The following AGBL2 variants were observed in gnomAD, a reference collection of about 807,000 sequenced individuals.
AGBL2 encodes cytosolic carboxypeptidase 2.
Under a neutral mutation model 103.0 loss-of-function variants are expected in AGBL2, and 87 were observed. The ratio of observed to expected loss-of-function variants is 0.84; its 90% CI spans 0.71 to 1.01. The LOEUF (loss-of-function observed/expected upper bound fraction) is 1.01, where lower values mean the gene tolerates loss of function less well. AGBL2 is among the 50% of genes least tolerant of loss of function. The pLI, the probability that AGBL2 is intolerant of heterozygous loss-of-function variation, is 0.00. For missense variants in AGBL2, 904 were observed against 1,023.5 expected (o/e 0.88, Z 1.59); for synonymous variants, 335 against 356.7 (o/e 0.94, Z 0.69).
Position 47,668,851 on chromosome 11 carries a change from A to G in AGBL2, c.2204T>C (p.Ile735Thr), listed in dbSNP as rs140006264. 3.1e-6 allele frequency: 5 copies of G among 1,612,872 alleles called. No individual in the cohort carries two copies. In the African/African-American group the frequency reaches 4.0e-5, roughly 13 times the overall value. Residue 735 changes from isoleucine to threonine, a missense_variant, in exon 15 of 19, where the codon ATA (isoleucine) becomes ACA (threonine). By Grantham distance (89) the Ile-to-Thr change is moderately conservative. Transcript: ENST00000525123. Reference protein sequence around the residue: ...SDGLPVHLANIADELTQKKKM... With the variant: ...SDGLPVHLANTADELTQKKKM... The stretch of plus-strand genomic sequence containing the variant: ...AAGAGTTCAGCTTACCTCATCTGCT[A>G]TGTTTGCTAGGTGAACAGGAAGACC...
chr11:47,699,660 G>A (rs941603185), intron 7 of AGBL2, 107 bp from the exon 8 acceptor site: 2 of 586,132 alleles, frequency 3.4e-6, no homozygotes, highest in African/African-American at 4.0e-5. Context: ...TAGTTTGGTT[G>A]AATCAAACCA....
At chr11:47,700,951 C>T (rs1205606761) in intron 7 of AGBL2, among the ~76,000 whole-genome samples, 1 of 151,360 alleles carries the variant, frequency 6.6e-6, no homozygotes, top group Non-Finnish European at 1.5e-5. Context: ...CCCAGCTACT[C>T]AGGAGGCTGA....
rs894980022 is a variant in AGBL2 at position 47,686,399 on chromosome 11, G to A, written c.1632-350C>T. 8.7e-4 allele frequency among the ~76,000 whole-genome samples: 130 copies of A among 149,938 alleles called. 1 individual carries two copies. Among genetic ancestry groups the A allele is most frequent in the Non-Finnish European group, 1.1e-3 (77 of 67,764 alleles). On this transcript the variant is annotated intron_variant, in intron 10 of 18. Transcript: ENST00000525123. The stretch of plus-strand genomic sequence containing the variant: ...TCCGCCCACCTCAGCCTCCTAAGTA[G>A]TTGGGACTACAGGCACACACCAATA...
intron 7 of AGBL2, among the ~76,000 whole-genome samples, chr11:47,701,208 C>T (rs968959802): frequency 1.5e-4 from 23 of 150,308 alleles, no homozygotes; most frequent in South Asian, 4.2e-4. Context: ...GAGTGGCTCA[C>T]GCCTGTAATC....
chr11:47,686,272 C>CT (rs2097423242), intron 10 of AGBL2, among the ~76,000 whole-genome samples: 1 of 151,750 alleles, frequency 6.6e-6, no homozygotes, highest in Admixed American at 6.6e-5. Flanking sequence ...TGGAAAATTT[C>CT]TTTTTTTCTT....
intron 14 of AGBL2, among the ~76,000 whole-genome samples, chr11:47,673,351 C>A (rs1039418188): frequency 1.3e-5 from 2 of 151,992 alleles, no homozygotes; most frequent in Admixed American, 6.6e-5. Flanking sequence ...GATGGCCGGG[C>A]GCAGTGGCTC....
intron 15 of AGBL2, 87 bp downstream of exon 15, chr11:47,668,754 A>G: frequency 1.0e-6 from 1 of 1,000,332 alleles, no homozygotes; most frequent in Non-Finnish European, 1.6e-6. Flanking sequence ...AGGTCTTAGG[A>G]CTGTTGGAAA....
intron 17 of AGBL2, 130 bp from the exon 18 acceptor site, chr11:47,663,242 G>A: frequency 1.6e-6 from 1 of 624,558 alleles, no homozygotes; most frequent in Non-Finnish European, 2.7e-6. Flanking sequence ...TAAAAGGACA[G>A]GCAAAACATA....
intron 11 of AGBL2, among the ~76,000 whole-genome samples, chr11:47,684,908 C>T (rs1180056322): frequency 6.6e-6 from 1 of 152,028 alleles, no homozygotes; most frequent in Non-Finnish European, 1.5e-5. Context: ...ACTGTATATG[C>T]AAGAATTTCA....
chr11:47,670,707 A>AT (rs2097354755), intron 14 of AGBL2, among the ~76,000 whole-genome samples: 1 of 150,358 alleles, frequency 6.7e-6, no homozygotes, highest in African/African-American at 2.4e-5. Flanking sequence ...AAAAAAAAAA[A>AT]GGGTGGCTGG....
intron 8 of AGBL2, among the ~76,000 whole-genome samples, chr11:47,699,066 A>G (rs1180092371): frequency 1.3e-5 from 2 of 152,056 alleles, no homozygotes; most frequent in Non-Finnish European, 2.9e-5. Context: ...AGAAGCTTAA[A>G]ACTCAACACA....
chr11:47,690,358 G>C lies in AGBL2; in HGVS notation c.1349C>G (p.Ala450Gly). ...ACTCAAGACCACAGCTTTCTTTGCA[G>C]CTGCCTCTTGAGGGGTCTGGGATGG... Reference protein sequence around the residue: ...TNPSQTPQEAAAKKAVVLSAR... With the variant: ...TNPSQTPQEAGAKKAVVLSAR... The change falls in exon 10 of 19, where the codon GCT (alanine) becomes GGT (glycine). Residue 450 changes from alanine to glycine, a missense_variant. Ala to Gly is a moderately conservative substitution (Grantham distance 60). Coordinates refer to ENST00000525123, the MANE Select transcript of AGBL2 (RefSeq NM_024783.4). 6.8e-6 allele frequency: 11 copies of C among 1,614,052 alleles called. No homozygotes were observed. Among genetic ancestry groups the C allele is most frequent in the Non-Finnish European group, 9.3e-6 (11 of 1,179,942 alleles).
chr11:47,707,678 T>A (rs1282827728), intron 4 of AGBL2, among the ~76,000 whole-genome samples: 47 of 152,154 alleles, frequency 3.1e-4, no homozygotes, highest in Non-Finnish European at 1.5e-5. Context: ...TTCCTAAAAG[T>A]CTACTTACTC....
chr11:47,666,649 T>C, intron 17 of AGBL2: 2 of 545,972 alleles, frequency 3.7e-6, no homozygotes, highest in Non-Finnish European at 3.2e-6. Context: ...TGATTTATTT[T>C]AAAATAACAT....
At chr11:47,662,536 A>G (rs1384334796) in intron 18 of AGBL2, among the ~76,000 whole-genome samples, 1 of 149,058 alleles carries the variant, frequency 6.7e-6, no homozygotes, top group Non-Finnish European at 1.5e-5. Flanking sequence ...TCTGTCACCC[A>G]GGCTGGAGTG....
chr11:47,676,083 A>G (rs1285833624), intron 14 of AGBL2, among the ~76,000 whole-genome samples: 1 of 151,952 alleles, frequency 6.6e-6, no homozygotes, highest in African/African-American at 2.4e-5. Context: ...AGACCCATAT[A>G]GCCTACTGCT....
At chr11:47,692,288 C>G (rs750435218) in intron 8 of AGBL2, 32 bp from the exon 9 acceptor site, 1 of 1,598,000 alleles carries the variant, frequency 6.3e-7, no homozygotes, top group Non-Finnish European at 8.6e-7. Flanking sequence ...AGGCTAGGTT[C>G]TACTCAGAAT....
At chr11:47,695,578 C>T (rs764585493) in intron 8 of AGBL2, among the ~76,000 whole-genome samples, 5 of 151,038 alleles carry the variant, frequency 3.3e-5, no homozygotes, top group African/African-American at 7.3e-5. Flanking sequence ...AGTTTGAGAC[C>T]AGCCTGGGCA....
chr11:47,686,344 C>T (rs1336319521), intron 10 of AGBL2, among the ~76,000 whole-genome samples: 1 of 151,944 alleles, frequency 6.6e-6, no homozygotes, highest in African/African-American at 2.4e-5. Context: ...CCATGGCTCA[C>T]TGTAGCCTTG....
Sources: gnomAD v4.1 joint callset for allele counts (sites outside exome capture counted in the v4.1 genomes callset) on GRCh38, gnomAD v4.1.1 for gene constraint, MANE v1.5 for transcripts, NCBI Gene and HGNC (gene_info 2026-07-23, HGNC 2026-07-21) for gene names.